Variants in MTCL2 observed in about 807,000 individuals in gnomAD.
MTCL2 encodes microtubule cross-linking factor 2.
At chr20:36,859,338 G>A in the MTCL2 span, among the ~76,000 whole-genome samples, 5 of 152,146 alleles carry the variant, frequency 3.3e-5, no homozygotes, top group South Asian at 2.1e-4. Flanking sequence ...CTCAGGTGAC[G>A]TGTCTGCTCG....
the MTCL2 span, chr20:36,784,728 C>T: frequency 2.2e-5 from 22 of 985,196 alleles, no homozygotes; most frequent in Admixed American, 6.2e-5. Context: ...TCACAGGGGA[C>T]GTGAGGAAGG....
the MTCL2 span, among the ~76,000 whole-genome samples, chr20:36,823,062 T>C: frequency 2.0e-5 from 3 of 152,200 alleles, no homozygotes; most frequent in Non-Finnish European, 4.4e-5. Context: ...CCCGGCCTAC[T>C]GTAGATTCTA....
At chr20:36,816,180 G>A in the MTCL2 span, 25 of 1,613,538 alleles carry the variant, frequency 1.5e-5, no homozygotes, top group East Asian at 4.5e-5. Context: ...CCCATAGAGC[G>A]AGCGGTACTT....
chr20:36,829,161 TCTC>T, the MTCL2 span: 2 of 1,608,992 alleles, frequency 1.2e-6, no homozygotes, highest in East Asian at 2.2e-5. Flanking sequence ...GCCCGTTTCT[TCTC>T]CACCACCTCG....
the MTCL2 span, among the ~76,000 whole-genome samples, chr20:36,831,406 T>A: frequency 2.6e-5 from 4 of 152,158 alleles, no homozygotes; most frequent in African/African-American, 9.7e-5. Context: ...TGCCCAGGTT[T>A]CGCCAGCAGG....
chr20:36,839,365 T>C, the MTCL2 span: 1 of 1,613,118 alleles, frequency 6.2e-7, no homozygotes, highest in East Asian at 2.2e-5. This position sits in a 1 kb window ranked among gnomAD's most constrained non-coding sequence, Gnocchi z 5.1. Flanking sequence ...TCGCAGCTCC[T>C]GCAGCTGATA....
At chr20:36,782,586 G>C in the MTCL2 span, 1 of 152,268 alleles carries the variant, frequency 6.6e-6, no homozygotes, top group Non-Finnish European at 1.5e-5. Context: ...CCAGGCTGGA[G>C]TGCAGTGGCG....
the MTCL2 span, among the ~76,000 whole-genome samples, chr20:36,835,564 G>A: frequency 4.6e-5 from 7 of 151,896 alleles, no homozygotes; most frequent in African/African-American, 1.7e-4. Flanking sequence ...CCCCACTCGG[G>A]TCCATCAAGC....
chr20:36,794,385 G>T, the MTCL2 span: 1 of 1,613,154 alleles, frequency 6.2e-7, no homozygotes, highest in Non-Finnish European at 8.5e-7. This position sits in a 1 kb window ranked among gnomAD's most constrained non-coding sequence, Gnocchi z 5.4. Flanking sequence ...CTCCCTGGGG[G>T]GTCCTGGCAG....
the MTCL2 span, among the ~76,000 whole-genome samples, chr20:36,810,823 G>T: frequency 6.7e-6 from 1 of 150,294 alleles, no homozygotes; most frequent in Non-Finnish European, 1.5e-5. Flanking sequence ...AGGTTCAAGC[G>T]ATTATCCTGC....
At chr20:36,834,662 TCAG>T in the MTCL2 span, among the ~76,000 whole-genome samples, 2 of 152,102 alleles carry the variant, frequency 1.3e-5, no homozygotes, top group Admixed American at 1.3e-4. Context: ...GATGTATTGC[TCAG>T]AAGAACTTAT....
the MTCL2 span, among the ~76,000 whole-genome samples, chr20:36,797,187 A>C: frequency 6.6e-6 from 1 of 152,148 alleles, no homozygotes; most frequent in Admixed American, 6.5e-5. Flanking sequence ...AAGGAAAGGG[A>C]CCACTTAAAA....
At chr20:36,817,033 G>A in the MTCL2 span, among the ~76,000 whole-genome samples, 2 of 151,988 alleles carry the variant, frequency 1.3e-5, no homozygotes, top group African/African-American at 2.4e-5. Flanking sequence ...TTGGGAGGCC[G>A]AGGCAGGTGG....
At chr20:36,827,766 T>G in the MTCL2 span, among the ~76,000 whole-genome samples, 1 of 152,210 alleles carries the variant, frequency 6.6e-6, no homozygotes, top group Non-Finnish European at 1.5e-5. Context: ...CTGTTCCTCC[T>G]GAGCCTCAGT....
the MTCL2 span, among the ~76,000 whole-genome samples, chr20:36,792,208 T>C: frequency 1.3e-5 from 2 of 152,142 alleles, no homozygotes; most frequent in Admixed American, 1.3e-4. Flanking sequence ...ACCAAGGTGA[T>C]GTTAAACACA....
chr20:36,839,821 G>A, the MTCL2 span, among the ~76,000 whole-genome samples: 1 of 152,138 alleles, frequency 6.6e-6, no homozygotes, highest in Non-Finnish European at 1.5e-5. The surrounding 1 kb of genome is among the most constrained non-coding windows in gnomAD (Gnocchi z 5.1). Flanking sequence ...TTGATTTCTA[G>A]ACCTTTGACC....
At chr20:36,800,627 T>C in the MTCL2 span, among the ~76,000 whole-genome samples, 1 of 152,232 alleles carries the variant, frequency 6.6e-6, no homozygotes, top group Admixed American at 6.5e-5. Flanking sequence ...AGGGGTTTCA[T>C]GAACGTGACC....
chr20:36,781,655 G>A, the MTCL2 span: 1 of 151,012 alleles, frequency 6.6e-6, no homozygotes, highest in East Asian at 1.9e-4. Context: ...AAACCAGCCT[G>A]GGCAACATAG....
chr20:36,831,002 A>C, the MTCL2 span, among the ~76,000 whole-genome samples: 1 of 152,154 alleles, frequency 6.6e-6, no homozygotes, highest in Admixed American at 6.5e-5. Context: ...CTACAGAAAG[A>C]AGCTAGAGGA....
Sources: allele counts gnomAD v4.1 joint callset (sites outside exome capture counted in the v4.1 genomes callset), GRCh38; gene constraint gnomAD v4.1.1; non-coding constraint Gnocchi (gnomAD v3.1); transcripts MANE v1.5; gene names NCBI Gene and HGNC (gene_info 2026-07-23, HGNC 2026-07-21).